Variants in ZBTB25 observed in about 807,000 individuals in gnomAD.
ZBTB25 encodes the protein zinc finger and BTB domain-containing protein 25.
A neutral mutation model predicts 34.2 loss-of-function variants in ZBTB25; 20 were observed. The observed-to-expected ratio is 0.58, with a 90% CI of 0.41 to 0.85. The LOEUF is 0.85. Among genes scored for constraint, ZBTB25 ranks in the 40% least tolerant of loss-of-function variants. ZBTB25 has a pLI of 0.00. For missense variants in ZBTB25, 437 were observed against 521.8 expected, an observed-to-expected ratio of 0.84 and a Z score of 1.58; for synonymous variants, 175 against 186.4, an observed-to-expected ratio of 0.94 and a Z score of 0.50.
chr14:64,454,367 T>G (rs1185683446), intron 2 of ZBTB25, among the ~76,000 whole-genome samples: 1 of 152,076 alleles, frequency 6.6e-6, no homozygotes, highest in Non-Finnish European at 1.5e-5. Flanking sequence ...CCCATCTCAG[T>G]CTCCCAAAGT....
intron 2 of ZBTB25, among the ~76,000 whole-genome samples, chr14:64,464,622 C>G (rs1021773668): frequency 6.6e-6 from 1 of 152,140 alleles, no homozygotes; most frequent in African/African-American, 2.4e-5. Flanking sequence ...TTCACTTCAC[C>G]TTACCAGGTT....
At chr14:64,449,697 A>G (rs768687657) in intron 2 of ZBTB25, 103 of 1,515,642 alleles carry the variant, frequency 6.8e-5, no homozygotes, top group Non-Finnish European at 8.6e-5. Context: ...GGCTACTTCT[A>G]TTAGAGCCCC....
At chr14:64,505,110 G>C (rs1220093871), upstream of ZBTB25, 2 of 349,350 alleles carry the variant, frequency 5.7e-6, no homozygotes, top group Non-Finnish European at 1.0e-5. Context: ...GCGGCTGCCA[G>C]GCCGCCTGCT....
At chr14:64,491,986 G>A (rs867589949) in intron 1 of ZBTB25, among the ~76,000 whole-genome samples, 1 of 151,746 alleles carries the variant, frequency 6.6e-6, no homozygotes, top group South Asian at 2.1e-4. Context: ...AGGCACGGTG[G>A]TGCATGCTTT....
chr14:64,498,345 G>A (rs1420709196), intron 1 of ZBTB25, among the ~76,000 whole-genome samples: 2 of 150,082 alleles, frequency 1.3e-5, no homozygotes, highest in Admixed American at 6.7e-5. Flanking sequence ...TCGCTCTGTC[G>A]CCCAGGCTGC....
intron 2 of ZBTB25, among the ~76,000 whole-genome samples, chr14:64,457,458 C>CT (rs2078493227): frequency 6.9e-6 from 1 of 144,996 alleles, no homozygotes; most frequent in Non-Finnish European, 1.5e-5. Flanking sequence ...CTTTTCTTTT[C>CT]CTTTTTTTTT....
intron 2 of ZBTB25, among the ~76,000 whole-genome samples, chr14:64,464,185 G>C (rs1407485975): frequency 1.4e-5 from 2 of 141,568 alleles, no homozygotes; most frequent in Admixed American, 6.9e-5. Context: ...GGGACCATAC[G>C]TGCACCACCA....
At chr14:64,466,005 C>T (rs542011945) in intron 2 of ZBTB25, among the ~76,000 whole-genome samples, 1 of 152,320 alleles carries the variant, frequency 6.6e-6, no homozygotes, top group South Asian at 2.1e-4. Context: ...TGCGCTCTGT[C>T]TCCTGCCATA....
In ZBTB25 at chr14:64,487,073, A is replaced by G. The variant is rs2078887060; in HGVS notation, c.1158T>C (p.Asn386=). ...ATGGCTGAAATCTCTGGGCCAATGCATTACCAAACCTTTGGCATCGGTTAT... is the reference window on the plus strand; with the variant it reads ...ATGGCTGAAATCTCTGGGCCAATGCGTTACCAAACCTTTGGCATCGGTTAT... ...YRYNRCQRFG[N]ALAQRFQPYC... Residue 386 remains asparagine (N), a synonymous_variant, in exon 3 of 3, where the codon AAT becomes AAC. Transcript: ENST00000608382. 1 of 1,614,242 alleles carries G rather than the reference A, an allele frequency of 6.2e-7. No homozygotes were observed. Among genetic ancestry groups the G allele is most frequent in the African/African-American group, 1.3e-5 (1 of 75,070 alleles).
At position 64,496,413 on chromosome 14, in the gene ZBTB25, C is replaced by G. The variant is rs528400050; in HGVS notation, c.-7-5873G>C. 3.1e-4 allele frequency among the ~76,000 whole-genome samples: 47 copies of G among 152,022 alleles called. No individual in the cohort carries two copies. In the South Asian group the frequency reaches 9.6e-3, roughly 31 times the overall value. ...GGCAGGAGAACTGTTTGAACCGGGA[C>G]CTGGGAGGAAGAGGTTGCAGTGAGC... is the stretch of plus-strand genomic sequence containing the variant. On this transcript the variant is annotated intron_variant, in intron 1 of 2. Coordinates refer to ENST00000608382, the MANE Select transcript of ZBTB25 (RefSeq NM_006977.5).
intron 2 of ZBTB25, chr14:64,469,484 A>T (rs2078645359): frequency 6.2e-7 from 1 of 1,612,950 alleles, no homozygotes; most frequent in Admixed American, 1.7e-5. Flanking sequence ...GCAATTCTTA[A>T]TTTCAGCTGA....
chr14:64,501,385 T>C (rs1407852348), intron 1 of ZBTB25, among the ~76,000 whole-genome samples: 1 of 152,126 alleles, frequency 6.6e-6, no homozygotes, highest in Admixed American at 6.5e-5. Flanking sequence ...TGGTATAAAG[T>C]GGAGATAAAA....
chr14:64,504,731 GGTGCGGCAGGCGCGGCT>G (rs2079610371), upstream of ZBTB25: 4 of 373,374 alleles, frequency 1.1e-5, no homozygotes, highest in East Asian at 1.5e-4. Flanking sequence ...GGCTCAGTGC[GGTGCGGCAGGCGCGGCT>G]GTGCGGCAGC....
chr14:64,487,311 T>C lies in ZBTB25; in HGVS notation c.920A>G (p.Gln307Arg). The change falls in exon 3 of 3, where the codon CAG becomes CGG. Residue 307 changes from glutamine to arginine, a missense_variant. Physicochemically the swap from Gln to Arg is conservative, Grantham distance 43 (BLOSUM62 1). Coordinates refer to ENST00000608382, the MANE Select transcript of ZBTB25 (RefSeq NM_006977.5). ...ACCCCGGTTGGTGTGGTCTGGCTGCTGTTCATTCTCCTTAACAATGAAGGA... is the reference window on the plus strand; with the variant it reads ...ACCCCGGTTGGTGTGGTCTGGCTGCCGTTCATTCTCCTTAACAATGAAGGA... ...LSSFIVKENEQQPDHTNRGTT... is the reference protein window; with the variant it reads ...LSSFIVKENERQPDHTNRGTT... 6.2e-7 allele frequency: 1 copy of C among 1,614,094 alleles called. No homozygotes were observed. Among genetic ancestry groups the C allele is most frequent in the Admixed American group, 1.7e-5 (1 of 60,018 alleles).
chr14:64,473,368 A>G (rs1388740113), downstream of ZBTB25: 1 of 167,068 alleles, frequency 6.0e-6, no homozygotes, highest in Admixed American at 6.5e-5. Context: ...GACAGCATGA[A>G]GTTTGTGATG....
intron 2 of ZBTB25, chr14:64,458,604 C>T: frequency 2.3e-6 from 1 of 433,762 alleles, no homozygotes; most frequent in Non-Finnish European, 4.3e-6. Context: ...AGAGGTTAGA[C>T]TCCCTCTGCT....
intron 2 of ZBTB25, chr14:64,460,012 T>C (rs2078536070): frequency 8.2e-7 from 1 of 1,212,714 alleles, no homozygotes; most frequent in Non-Finnish European, 1.1e-6. Context: ...GCCATCTTGG[T>C]GTTGCAATAT....
Position 64,487,561 on chromosome 14 carries a change from C to T in ZBTB25, c.670G>A (p.Glu224Lys). The change falls in exon 3 of 3, where the codon GAG becomes AAG. Residue 224 changes from glutamate (E) to lysine (K), a missense_variant. By Grantham distance (56) the Glu-to-Lys change is moderately conservative. Coordinates refer to ENST00000608382, the MANE Select transcript of ZBTB25 (RefSeq NM_006977.5). ...TCAGTAAAAGTGGGGCCTGTCACCT[C>T]TGATGAGGGTGAGGGGTGGCTCTGG... Reference protein sequence around the residue: ...ISQSHPSPSSEVTGPTFTENS... With the variant: ...ISQSHPSPSSKVTGPTFTENS... 6.2e-7 allele frequency: 1 copy of T among 1,610,176 alleles called. No homozygotes were observed. Among genetic ancestry groups the T allele is most frequent in the Non-Finnish European group, 8.5e-7 (1 of 1,176,794 alleles).
chr14:64,466,126 G>A (rs1224780279), intron 2 of ZBTB25, among the ~76,000 whole-genome samples: 1 of 152,042 alleles, frequency 6.6e-6, no homozygotes, highest in African/African-American at 2.4e-5. Context: ...CTGCTCAAGG[G>A]AAAAAGGAAA....
Sources: gnomAD v4.1 joint callset for allele counts (sites outside exome capture counted in the v4.1 genomes callset) on GRCh38, gnomAD v4.1.1 for gene constraint, MANE v1.5 for transcripts, NCBI Gene and HGNC (gene_info 2026-07-23, HGNC 2026-07-21) for gene names.